The following PTPRK variants were observed in gnomAD, a reference collection of about 807,000 sequenced individuals.
The protein encoded by PTPRK is receptor-type tyrosine-protein phosphatase kappa.
PTPRK carries 75 observed loss-of-function variants against 178.0 expected under a neutral mutation model. The ratio of observed to expected loss-of-function variants is 0.42; its 90% confidence interval spans 0.35 to 0.51. The LOEUF (loss-of-function observed/expected upper bound fraction) is 0.51, where lower values mean the gene tolerates loss of function less well. PTPRK is among the 20% of genes least tolerant of loss of function. The pLI, the probability that PTPRK is intolerant of heterozygous loss-of-function variation, is 0.02. For synonymous variants in PTPRK, 637 were observed against 620.6 expected (o/e 1.03, Z -0.39); for missense variants, 1,441 against 1,797.8 (o/e 0.80, Z 3.59).
At chr6:128,157,440 A>G (rs1423806552) in intron 7 of PTPRK, among the ~76,000 whole-genome samples, 1 of 152,012 alleles carries the variant, frequency 6.6e-6, no homozygotes, top group Admixed American at 6.6e-5. Flanking sequence ...ACAAACCTAT[A>G]AAGAATAACA....
intron 2 of PTPRK, among the ~76,000 whole-genome samples, chr6:128,385,186 C>T (rs927940121): frequency 6.6e-6 from 1 of 151,474 alleles, no homozygotes; most frequent in South Asian, 2.1e-4. Context: ...TGTGATAACA[C>T]TTCTGATTCT....
At position 128,067,625 on chromosome 6, in the gene PTPRK, G is replaced by A. The variant is rs768478474; in HGVS notation, c.2051C>T (p.Pro684Leu). ...LPPGNLPEPA[P>L]FTVGDNRTYQ... ...GGTCCGATTGTCACCCACAGTGAAC[G>A]GGGCAGGCTCAGGTAGGTTTCCCGG... Residue 684 changes from proline (P) to leucine (L), a missense_variant, in exon 12 of 30, where the codon CCG becomes CTG. Pro to Leu is a moderately conservative substitution (Grantham distance 98). This residue lies in a region of PTPRK where 945 missense variants were observed against 1,080.6 expected (regional missense o/e 0.87). Coordinates refer to ENST00000368226, the MANE Select transcript of PTPRK (RefSeq NM_002844.4). 17 of 1,613,542 alleles carry A rather than the reference G, an allele frequency of 1.1e-5. No homozygotes were observed. The highest frequency in any genetic ancestry group is 1.4e-5 in the Non-Finnish European group (16 of 1,179,660).
At chr6:128,183,990 A>G (rs1802353299) in intron 7 of PTPRK, among the ~76,000 whole-genome samples, 1 of 152,202 alleles carries the variant, frequency 6.6e-6, no homozygotes, top group Admixed American at 6.6e-5. Flanking sequence ...GGCATTGTCC[A>G]GAGTAACTTT....
chr6:128,262,786 T>C (rs1818361637), intron 3 of PTPRK, among the ~76,000 whole-genome samples: 2 of 146,224 alleles, frequency 1.4e-5, no homozygotes. Context: ...GTCTTTTTTA[T>C]AATACAAAGT....
Position 128,090,005 on chromosome 6 carries a change from T to C in PTPRK, c.1163-13A>G, listed in dbSNP as rs7759202. On this transcript the variant is annotated splice_polypyrimidine_tract_variant and intron_variant, in intron 7 of 29. Coordinates refer to ENST00000368226, the MANE Select transcript of PTPRK (RefSeq NM_002844.4). ...GTTCTCATAGGTTCTGAAAAATAAA[T>C]CAGAGTTGTAGACAGCTGTCTATTA... is the stretch of plus-strand genomic sequence containing the variant. 5,703 of 1,573,120 alleles carry C rather than the reference T, an allele frequency of 3.6e-3. 149 individuals carry two copies. In the African/African-American group the frequency reaches 0.064, roughly 18 times the overall value.
At chr6:128,221,300 G>T (rs1014737781) in intron 5 of PTPRK, among the ~76,000 whole-genome samples, 17 of 151,910 alleles carry the variant, frequency 1.1e-4, no homozygotes, top group African/African-American at 3.4e-4. Flanking sequence ...CGAGGCGGCT[G>T]GATCACGAGG....
At chr6:128,160,776 A>T (rs1798597636) in intron 7 of PTPRK, among the ~76,000 whole-genome samples, 1 of 151,490 alleles carries the variant, frequency 6.6e-6, no homozygotes, top group African/African-American at 2.4e-5. Flanking sequence ...GTATTTTAAT[A>T]TAAATTTATA....
chr6:128,236,187 G>A (rs1410553384), intron 5 of PTPRK, among the ~76,000 whole-genome samples: 3 of 151,846 alleles, frequency 2.0e-5, no homozygotes, highest in African/African-American at 7.3e-5. Context: ...CTAAAACTTA[G>A]AAGATTTAAA....
intron 3 of PTPRK, among the ~76,000 whole-genome samples, chr6:128,263,079 G>T (rs548910415): frequency 6.6e-6 from 1 of 152,104 alleles, no homozygotes; most frequent in African/African-American, 2.4e-5. Flanking sequence ...GAAGGGAAGC[G>T]AGTGCTCACC....
At chr6:128,487,964 A>G (rs1584938930) in intron 1 of PTPRK, among the ~76,000 whole-genome samples, 1 of 152,162 alleles carries the variant, frequency 6.6e-6, no homozygotes, top group East Asian at 1.9e-4. Context: ...ATAGTTGTAT[A>G]TGTGAAGGGG....
chr6:128,028,261 C>T (rs1174296571), intron 13 of PTPRK, among the ~76,000 whole-genome samples: 2 of 151,798 alleles, frequency 1.3e-5, no homozygotes, highest in Admixed American at 6.6e-5. Context: ...TAAGTAAGCA[C>T]CTGATAAAAA....
chr6:128,117,753 A>T (rs1562615422), intron 7 of PTPRK, among the ~76,000 whole-genome samples: 1 of 152,052 alleles, frequency 6.6e-6, no homozygotes. Flanking sequence ...TCTGGGTTCA[A>T]GTGATTCTCC....
chr6:128,009,111 G>A lies in PTPRK; in HGVS notation c.2333+19C>T, dbSNP rs772479494. The A allele has an allele frequency of 1.9e-6, 3 of 1,604,368 alleles. No individual in the cohort carries two copies. The Admixed American group carries it at 5.0e-5, about 27-fold the overall frequency. On this transcript the variant is annotated intron_variant, in intron 14 of 29. Coordinates refer to ENST00000368226, the MANE Select transcript of PTPRK (RefSeq NM_002844.4). ...ACATAAATGGTAAGTGAGTGGGACA[G>A]GACAATATTAGGCCTTACCTCTTTT... is the stretch of plus-strand genomic sequence containing the variant.
intron 2 of PTPRK, among the ~76,000 whole-genome samples, chr6:128,390,058 C>A (rs1311396709): frequency 6.6e-6 from 1 of 152,106 alleles, no homozygotes; most frequent in Non-Finnish European, 1.5e-5. Context: ...CTTCTCTGTG[C>A]AGAGGGCAAA....
At chr6:128,450,655 C>G (rs902624903) in intron 1 of PTPRK, among the ~76,000 whole-genome samples, 1 of 152,154 alleles carries the variant, frequency 6.6e-6, no homozygotes, top group East Asian at 1.9e-4. Flanking sequence ...ATTCCTTTAG[C>G]AAGAACTAAG....
At chr6:128,337,481 T>C (rs1831095718) in intron 2 of PTPRK, among the ~76,000 whole-genome samples, 1 of 152,196 alleles carries the variant, frequency 6.6e-6, no homozygotes, top group East Asian at 1.9e-4. Flanking sequence ...CCTGCTCAGA[T>C]CTCAGTTTGA....
chr6:128,299,358 T>C (rs1466710068), intron 3 of PTPRK, among the ~76,000 whole-genome samples: 1 of 151,346 alleles, frequency 6.6e-6, no homozygotes, highest in African/African-American at 2.4e-5. Context: ...CTTCACAGAA[T>C]TGGAAAAAAC....
chr6:128,294,159 GTTTA>G (rs1388252475), intron 3 of PTPRK, among the ~76,000 whole-genome samples: 1 of 151,960 alleles, frequency 6.6e-6, no homozygotes, highest in Non-Finnish European at 1.5e-5. Context: ...GTAATTAACG[GTTTA>G]TTTTAGTAAA....
intron 22 of PTPRK, 122 bp from the exon 23 acceptor site, chr6:127,983,499 G>T: frequency 9.9e-7 from 1 of 1,008,322 alleles, no homozygotes; most frequent in Non-Finnish European, 1.4e-6. Context: ...GCAAGGCACA[G>T]CACTTGTCCC....
Sources: gnomAD v4.1 joint callset for allele counts (sites outside exome capture counted in the v4.1 genomes callset) on GRCh38, gnomAD v4.1.1 for gene constraint, gnomAD v4.1.1 regional missense constraint, MANE v1.5 for transcripts, NCBI Gene and HGNC (gene_info 2026-07-23, HGNC 2026-07-21) for gene names.